Variants in MEGF11 observed in about 807,000 individuals in gnomAD.
The protein encoded by MEGF11 is multiple epidermal growth factor-like domains protein 11.
MEGF11 carries 126 observed loss-of-function variants against 146.6 expected under a neutral mutation model. That is an observed-to-expected ratio of 0.86 (90% CI 0.74 to 1.00). The LOEUF is 1.00. MEGF11 is among the 50% of genes least tolerant of loss of function. The pLI, the probability that MEGF11 is intolerant of heterozygous loss-of-function variation, is 0.00. For synonymous variants in MEGF11, 532 were observed against 583.4 expected (o/e 0.91, Z 1.27); for missense variants, 1,509 against 1,521.2 (o/e 0.99, Z 0.13).
chr15:66,141,233 G>GGTGT (rs572801225), intron 1 of MEGF11, among the ~76,000 whole-genome samples: 61 of 97,260 alleles, frequency 6.3e-4, no homozygotes, highest in African/African-American at 2.1e-3. Context: ...CAGACTCAGG[G>GGTGT]GTGTGTGTGT....
chr15:66,081,960 C>G (rs886336099), intron 5 of MEGF11, among the ~76,000 whole-genome samples: 6 of 152,226 alleles, frequency 3.9e-5, no homozygotes, highest in Admixed American at 6.5e-5. Context: ...CCCTTCTCCA[C>G]TCTGGAAGAC....
intron 5 of MEGF11, among the ~76,000 whole-genome samples, chr15:66,018,690 C>CAAGTGTGT (rs1339750515): frequency 6.6e-6 from 1 of 152,036 alleles, no homozygotes; most frequent in East Asian, 1.9e-4. Context: ...TGCAAGTGTG[C>CAAGTGTGT]ACCTGTGCAT....
rs1241178382 is a variant in MEGF11, at chr15:66,000,894, TAGG to T, written c.395-18409_395-18407del. Among the ~76,000 whole-genome samples the T allele has an allele frequency of 3.9e-5, 6 of 152,200 alleles. No homozygotes were observed. In the East Asian group the frequency reaches 1.2e-3, roughly 29 times the overall value. On this transcript the variant is annotated intron_variant, in intron 5 of 25. Coordinates refer to ENST00000395614, the MANE Select transcript of MEGF11 (RefSeq NM_001385028.1). ...GATAGCCTCAGGGCTGGGAAAGCTT[TAGG>T]AGGAGATGAGACTTGGTGGGGCCTG...
At chr15:66,048,829 T>C (rs2084333913) in intron 5 of MEGF11, among the ~76,000 whole-genome samples, 1 of 152,192 alleles carries the variant, frequency 6.6e-6, no homozygotes, top group Admixed American at 6.5e-5. Flanking sequence ...TATCCCCTTG[T>C]AGAAATTTCT....
At chr15:65,952,927 C>G (rs2080458170) in intron 10 of MEGF11, among the ~76,000 whole-genome samples, 1 of 152,238 alleles carries the variant, frequency 6.6e-6, no homozygotes, top group African/African-American at 2.4e-5. Context: ...TCTTCCCACC[C>G]CCATCTCTAT....
chr15:66,068,009 TG>T (rs2085206135), intron 5 of MEGF11, among the ~76,000 whole-genome samples: 1 of 152,250 alleles, frequency 6.6e-6, no homozygotes, highest in African/African-American at 2.4e-5. Flanking sequence ...TTCACTTTGC[TG>T]AGCCTCAGTT....
chr15:65,913,074 G>C (rs1055893147), intron 20 of MEGF11, among the ~76,000 whole-genome samples: 11 of 152,212 alleles, frequency 7.2e-5, no homozygotes, highest in African/African-American at 2.7e-4. Context: ...GTATTTCCAA[G>C]GCAGCAGTCC....
intron 5 of MEGF11, among the ~76,000 whole-genome samples, chr15:66,037,702 C>T (rs999035583): frequency 6.6e-6 from 1 of 152,232 alleles, no homozygotes; most frequent in Non-Finnish European, 1.5e-5. Flanking sequence ...TCCTGGCAGC[C>T]CTCGGCAGGC....
chr15:65,958,524 G>T (rs2080741234), intron 9 of MEGF11, among the ~76,000 whole-genome samples: 2 of 152,198 alleles, frequency 1.3e-5, no homozygotes, highest in African/African-American at 4.8e-5. Context: ...CCAGTGCTGA[G>T]TTTGAAATCC....
At chr15:66,073,637 C>A (rs1006647916) in intron 5 of MEGF11, among the ~76,000 whole-genome samples, 7 of 152,204 alleles carry the variant, frequency 4.6e-5, no homozygotes, top group Admixed American at 2.0e-4. Flanking sequence ...TTCCTGGTTC[C>A]CCAGGGAGAC....
chr15:66,105,220 C>T (rs916901628), intron 4 of MEGF11, among the ~76,000 whole-genome samples: 6 of 152,172 alleles, frequency 3.9e-5, no homozygotes, highest in African/African-American at 1.4e-4. Context: ...CTAGTGCTTG[C>T]ACCTGCTCCT....
intron 5 of MEGF11, among the ~76,000 whole-genome samples, chr15:66,029,931 G>A (rs987342157): frequency 2.6e-5 from 4 of 152,104 alleles, no homozygotes; most frequent in Non-Finnish European, 4.4e-5. Flanking sequence ...ATTCCTCCCT[G>A]TCTCCCCAGC....
At chr15:66,059,082 C>T (rs1240129380) in intron 5 of MEGF11, among the ~76,000 whole-genome samples, 1 of 152,184 alleles carries the variant, frequency 6.6e-6, no homozygotes, top group Non-Finnish European at 1.5e-5. Context: ...ATATTTGGAA[C>T]ATCCCCCCTA....
intron 9 of MEGF11, among the ~76,000 whole-genome samples, chr15:65,961,799 T>G (rs2080866304): frequency 6.6e-6 from 1 of 152,198 alleles, no homozygotes; most frequent in South Asian, 2.1e-4. Flanking sequence ...CCTTGCACAC[T>G]GTTGTGGTGG....
intron 5 of MEGF11, among the ~76,000 whole-genome samples, chr15:66,081,290 G>A (rs1001492292): frequency 9.9e-5 from 15 of 152,172 alleles, no homozygotes; most frequent in Non-Finnish European, 1.5e-4. Flanking sequence ...CCAGGGCCTC[G>A]GATTAGGTGA....
chr15:66,049,724 G>A (rs2084374192), intron 5 of MEGF11, among the ~76,000 whole-genome samples: 1 of 152,140 alleles, frequency 6.6e-6, no homozygotes, highest in African/African-American at 2.4e-5. Context: ...TGGAAGAAGA[G>A]GCAGAAAGAG....
At chr15:66,103,576 G>T (rs1215797065) in intron 4 of MEGF11, among the ~76,000 whole-genome samples, 2 of 152,090 alleles carry the variant, frequency 1.3e-5, no homozygotes, top group Non-Finnish European at 2.9e-5. Context: ...AGTAAGAGGA[G>T]GATGGGAGAG....
intron 1 of MEGF11, among the ~76,000 whole-genome samples, chr15:66,220,954 A>T (rs994111440): frequency 6.6e-6 from 1 of 152,166 alleles, no homozygotes; most frequent in Admixed American, 6.5e-5. Flanking sequence ...GAGTGCATGT[A>T]AAAACTGGGG....
chr15:66,109,021 G>A (rs2087244714), intron 4 of MEGF11, among the ~76,000 whole-genome samples: 1 of 152,220 alleles, frequency 6.6e-6, no homozygotes, highest in African/African-American at 2.4e-5. Flanking sequence ...TGATTAAGAA[G>A]CGATGCCTCA....
Sources: gnomAD v4.1 joint callset for allele counts (sites outside exome capture counted in the v4.1 genomes callset) on GRCh38, gnomAD v4.1.1 for gene constraint, MANE v1.5 for transcripts, NCBI Gene and HGNC (gene_info 2026-07-23, HGNC 2026-07-21) for gene names.